Variants in PHACTR1 observed in about 807,000 individuals in gnomAD.
The protein encoded by PHACTR1 is phosphatase and actin regulator 1, also known as RPEL repeat containing 1.
Under a neutral mutation model 69.2 loss-of-function variants are expected in PHACTR1, and 16 were observed. The observed-to-expected ratio is 0.23, with a 90% CI of 0.16 to 0.35. The LOEUF is 0.35. Ranked by LOEUF, PHACTR1 falls within the 10% of genes least tolerant of loss-of-function variation. The probability of loss-of-function intolerance (pLI) is 1.00; values close to 1 mark genes in which losing one functional copy is unlikely to be tolerated. For synonymous variants in PHACTR1, 312 were observed against 284.5 expected (o/e 1.10, Z -0.97); for missense variants, 510 against 734.7 (o/e 0.69, Z 3.54).
intron 4 of PHACTR1, among the ~76,000 whole-genome samples, chr6:12,887,281 T>G (rs967377066): frequency 6.6e-6 from 1 of 152,214 alleles, no homozygotes; most frequent in Non-Finnish European, 1.5e-5. Flanking sequence ...ATGGAGGGAC[T>G]TTCATGCTAA....
chr6:12,829,607 T>C (rs1777188901), intron 4 of PHACTR1, among the ~76,000 whole-genome samples: 1 of 152,092 alleles, frequency 6.6e-6, no homozygotes, highest in South Asian at 2.1e-4. Flanking sequence ...AGAAGAGATC[T>C]TAAATTAGGC....
intron 4 of PHACTR1, among the ~76,000 whole-genome samples, chr6:12,824,251 G>C (rs1776538149): frequency 6.6e-6 from 1 of 152,178 alleles, no homozygotes. Flanking sequence ...ATCACCCCCA[G>C]ATGGGACCAT....
intron 10 of PHACTR1, among the ~76,000 whole-genome samples, chr6:13,238,847 C>CT (rs1215239529): frequency 6.6e-6 from 1 of 152,156 alleles, no homozygotes; most frequent in Non-Finnish European, 1.5e-5. Context: ...ATAAAAGGCT[C>CT]TATGATGTCA....
At chr6:13,268,995 T>TA (rs992798177) in intron 10 of PHACTR1, among the ~76,000 whole-genome samples, 1 of 151,226 alleles carries the variant, frequency 6.6e-6, no homozygotes. Context: ...TGACCACCCA[T>TA]AAAAAAAAGG....
At chr6:13,251,655 T>C (rs1774422053) in intron 10 of PHACTR1, among the ~76,000 whole-genome samples, 1 of 152,176 alleles carries the variant, frequency 6.6e-6, no homozygotes, top group Admixed American at 6.5e-5. Flanking sequence ...GCTCTGACAG[T>C]CCTATGGCAG....
chr6:13,127,865 A>G (rs540906803), intron 5 of PHACTR1, among the ~76,000 whole-genome samples: 35 of 152,100 alleles, frequency 2.3e-4, no homozygotes, highest in South Asian at 1.5e-3. Flanking sequence ...TCACGCAGCT[A>G]TAAAGGACTG....
At chr6:13,029,162 T>C (rs1012144586) in intron 4 of PHACTR1, among the ~76,000 whole-genome samples, 8 of 152,142 alleles carry the variant, frequency 5.3e-5, no homozygotes, top group African/African-American at 1.9e-4. Context: ...GTAGTAAGTG[T>C]TGGGGTTAGA....
chr6:13,213,338 C>T (rs1180421850), intron 8 of PHACTR1, among the ~76,000 whole-genome samples: 3 of 152,204 alleles, frequency 2.0e-5, no homozygotes, highest in Non-Finnish European at 2.9e-5. Flanking sequence ...TCCTCTACCA[C>T]CCAGAGCAGC....
rs374501949 is a variant in PHACTR1 at position 13,019,206 on chromosome 6, C to T, written c.251-34159C>T. On this transcript the variant is annotated intron_variant, in intron 4 of 14. Coordinates refer to ENST00000332995, the MANE Select transcript of PHACTR1 (RefSeq NM_030948.6). ...GGGATTACAAGCGTGAGCCGCAGTG[C>T]CTGGCCCAAGATGCCCTTTAAAAAA... Among the ~76,000 whole-genome samples the T allele has an allele frequency of 1.5e-3, 231 of 152,170 alleles. 1 individual carries two copies. The highest frequency in any genetic ancestry group is 4.7e-3 in the African/African-American group (194 of 41,526).
At chr6:12,932,629 G>C (rs1038338254) in intron 4 of PHACTR1, among the ~76,000 whole-genome samples, 1 of 152,132 alleles carries the variant, frequency 6.6e-6, no homozygotes, top group South Asian at 2.1e-4. Flanking sequence ...TTAAATCATT[G>C]TCTATTCTTC....
chr6:12,743,926 T>A (rs1162840442), intron 3 of PHACTR1, among the ~76,000 whole-genome samples: 1 of 152,034 alleles, frequency 6.6e-6, no homozygotes, highest in Non-Finnish European at 1.5e-5. Flanking sequence ...CCTCAGCAAA[T>A]GTAAAAGAAC....
intron 4 of PHACTR1, among the ~76,000 whole-genome samples, chr6:12,941,562 C>T (rs1790060279): frequency 6.6e-6 from 1 of 152,134 alleles, no homozygotes; most frequent in South Asian, 2.1e-4. Context: ...GTCACTACCT[C>T]TCACTCGCCA....
intron 5 of PHACTR1, among the ~76,000 whole-genome samples, chr6:13,112,416 G>A (rs1205327451): frequency 6.6e-6 from 1 of 152,164 alleles, no homozygotes; most frequent in East Asian, 1.9e-4. Flanking sequence ...GAGTCAAATG[G>A]TAGTTCTGCT....
rs966119996 is a variant in PHACTR1, at chr6:13,246,895, C to A, written c.1391+16702C>A. On this transcript the variant is annotated intron_variant, in intron 10 of 14. Transcript: ENST00000332995. This position sits in a 1 kb window ranked among gnomAD's most constrained non-coding sequence, Gnocchi z 4.2. The stretch of plus-strand genomic sequence containing the variant: ...TTATTTATCTTCATTATGATCATTT[C>A]ACTCCTCTTGGGATGCCAAGACTTT... 1.3e-5 allele frequency among the ~76,000 whole-genome samples: 2 copies of A among 152,194 alleles called. No homozygotes were observed. Among genetic ancestry groups the A allele is most frequent in the Admixed American group, 1.3e-4 (2 of 15,278 alleles).
intron 4 of PHACTR1, among the ~76,000 whole-genome samples, chr6:12,844,210 C>G (rs1778972638): frequency 3.9e-5 from 6 of 152,088 alleles, no homozygotes; most frequent in Admixed American, 3.9e-4. Context: ...GCCTGGGCAA[C>G]ATAGCAAGAT....
intron 4 of PHACTR1, among the ~76,000 whole-genome samples, chr6:12,765,873 G>C (rs1768548168): frequency 6.6e-6 from 1 of 152,106 alleles, no homozygotes. Flanking sequence ...TGACTTCCTA[G>C]ACATGAAGAA....
At chr6:13,186,199 T>C (rs1258029881) in intron 7 of PHACTR1, among the ~76,000 whole-genome samples, 1 of 152,152 alleles carries the variant, frequency 6.6e-6, no homozygotes, top group Non-Finnish European at 1.5e-5. Flanking sequence ...CACAGAAAAC[T>C]ACAAAGGAGA....
intron 4 of PHACTR1, among the ~76,000 whole-genome samples, chr6:12,880,862 AGGCAAGCTGT>A (rs66492120): frequency 0.17 from 25,508 of 152,086 alleles, 2,332 homozygotes; most frequent in African/African-American, 0.23. Context: ...TTCGCGGAAC[AGGCAAGCTGT>A]GGCTCAAAAG....
intron 11 of PHACTR1, among the ~76,000 whole-genome samples, chr6:13,276,842 C>T (rs1399150773): frequency 1.3e-5 from 2 of 151,740 alleles, no homozygotes; most frequent in African/African-American, 4.8e-5. Context: ...CAATCAGCAA[C>T]CATACCTGAA....
Sources: allele counts gnomAD v4.1 joint callset (sites outside exome capture counted in the v4.1 genomes callset), GRCh38; gene constraint gnomAD v4.1.1; non-coding constraint Gnocchi (gnomAD v3.1); transcripts MANE v1.5; gene names NCBI Gene and HGNC (gene_info 2026-07-23, HGNC 2026-07-21).